PLA2G4A: variants seen among roughly 807,000 people sequenced by gnomAD.
The protein encoded by PLA2G4A is cytosolic phospholipase A2.
PLA2G4A carries 40 observed loss-of-function variants against 81.9 expected under a neutral mutation model. The ratio of observed to expected loss-of-function variants is 0.49; its 90% CI spans 0.38 to 0.64. The LOEUF is 0.64. Among genes scored for constraint, PLA2G4A ranks in the 30% least tolerant of loss-of-function variants. The pLI is 0.00. For missense variants in PLA2G4A, 715 were observed against 905.1 expected (o/e 0.79, Z 2.69); for synonymous variants, 302 against 296.9 (o/e 1.02, Z -0.18).
chr1:186,830,607 T>TG (rs1483313709), intron 1 of PLA2G4A, among the ~76,000 whole-genome samples: 2 of 27,006 alleles, frequency 7.4e-5, no homozygotes, highest in African/African-American at 6.0e-4. Flanking sequence ...AAGCTCTGTC[T>TG]CAAAAAAAAA....
chr1:186,942,370 TGG>T (rs1344721898), intron 10 of PLA2G4A, among the ~76,000 whole-genome samples: 42 of 152,178 alleles, frequency 2.8e-4, no homozygotes, highest in African/African-American at 9.6e-4. Flanking sequence ...AAGAATTACA[TGG>T]TCAAAAGAAC....
At chr1:186,988,162 T>A (rs1657950124) in intron 17 of PLA2G4A, among the ~76,000 whole-genome samples, 1 of 152,194 alleles carries the variant, frequency 6.6e-6, no homozygotes, top group African/African-American at 2.4e-5. Flanking sequence ...CTTCTTTCCC[T>A]GGTGAGGGAA....
In PLA2G4A at chr1:186,987,502, C is replaced by T. The variant is rs12720703; in HGVS notation, c.2119-875C>T. 1.6e-3 allele frequency among the ~76,000 whole-genome samples: 250 copies of T among 152,160 alleles called. 3 individuals carry two copies. The highest frequency in any genetic ancestry group is 5.6e-3 in the African/African-American group (234 of 41,440). On this transcript the variant is annotated intron_variant, in intron 17 of 17. Transcript: ENST00000367466. ...CAGAAACATCTATCTCATTGGTCAT[C>T]GAGATGAAATGAGGACTGTCCTGGG...
intron 2 of PLA2G4A, among the ~76,000 whole-genome samples, chr1:186,861,644 T>C (rs1652807244): frequency 6.6e-6 from 1 of 152,144 alleles, no homozygotes; most frequent in Non-Finnish European, 1.5e-5. Flanking sequence ...AGTTGGATAA[T>C]CATCCTATTT....
chr1:186,931,177 C>T (rs940107276), intron 7 of PLA2G4A, among the ~76,000 whole-genome samples: 1 of 152,074 alleles, frequency 6.6e-6, no homozygotes, highest in African/African-American at 2.4e-5. Flanking sequence ...ATTTTAAAAT[C>T]TTTGTTTGAG....
chr1:186,856,915 G>T (rs937512995), intron 2 of PLA2G4A, among the ~76,000 whole-genome samples: 2 of 149,458 alleles, frequency 1.3e-5, no homozygotes, highest in African/African-American at 4.9e-5. Flanking sequence ...AATAGTACAT[G>T]ATTCAAGGAA....
intron 15 of PLA2G4A, among the ~76,000 whole-genome samples, chr1:186,973,192 T>G (rs1291947615): frequency 6.6e-6 from 1 of 152,210 alleles, no homozygotes; most frequent in Non-Finnish European, 1.5e-5. Flanking sequence ...GAAGTTGAAA[T>G]TAAGGCATCA....
chr1:186,830,162 C>G (rs537765895), intron 1 of PLA2G4A, among the ~76,000 whole-genome samples: 1 of 151,998 alleles, frequency 6.6e-6, no homozygotes, highest in South Asian at 2.1e-4. Flanking sequence ...TCATTAGCTC[C>G]GGAAGAGTTA....
chr1:186,908,883 A>G (rs1243868782), intron 6 of PLA2G4A, among the ~76,000 whole-genome samples: 1 of 151,576 alleles, frequency 6.6e-6, no homozygotes, highest in Admixed American at 6.6e-5. Flanking sequence ...AGTAGTGATT[A>G]CCTTTAAGGA....
intron 8 of PLA2G4A, among the ~76,000 whole-genome samples, chr1:186,936,636 C>T (rs189960444): frequency 1.8e-4 from 28 of 151,924 alleles, no homozygotes; most frequent in African/African-American, 5.8e-4. Context: ...ATGTTTACCC[C>T]GAAGGTTTGG....
intron 2 of PLA2G4A, among the ~76,000 whole-genome samples, chr1:186,858,863 A>T (rs1263147041): frequency 6.6e-6 from 1 of 151,770 alleles, no homozygotes; most frequent in Non-Finnish European, 1.5e-5. Flanking sequence ...AGTTTTCTTT[A>T]TTCTTCTTAT....
chr1:186,868,507 G>A (rs1176834391), intron 2 of PLA2G4A, among the ~76,000 whole-genome samples: 1 of 152,156 alleles, frequency 6.6e-6, no homozygotes, highest in Admixed American at 6.5e-5. Flanking sequence ...GTCTGGTTTT[G>A]GAATTAGGGT....
intron 1 of PLA2G4A, among the ~76,000 whole-genome samples, chr1:186,842,774 C>T (rs895876489): frequency 1.3e-5 from 2 of 152,188 alleles, no homozygotes; most frequent in African/African-American, 4.8e-5. Flanking sequence ...CTTGGACTTC[C>T]AACCTCCAGA....
intron 2 of PLA2G4A, among the ~76,000 whole-genome samples, chr1:186,865,793 A>G (rs192637663): frequency 2.6e-5 from 4 of 152,304 alleles, no homozygotes; most frequent in Admixed American, 1.3e-4. Context: ...CTTTTTTTCA[A>G]TGCCAATCAT....
chr1:186,931,257 C>T (rs1655734462), intron 7 of PLA2G4A, among the ~76,000 whole-genome samples: 1 of 152,130 alleles, frequency 6.6e-6, no homozygotes, highest in African/African-American at 2.4e-5. Context: ...CATACACACA[C>T]ATGTACACAT....
intron 2 of PLA2G4A, among the ~76,000 whole-genome samples, chr1:186,865,378 G>A (rs2102049563): frequency 6.6e-6 from 1 of 152,062 alleles, no homozygotes; most frequent in South Asian, 2.1e-4. Flanking sequence ...AAAAAGTGTA[G>A]GTGAATAATA....
intron 17 of PLA2G4A, among the ~76,000 whole-genome samples, chr1:186,983,039 G>T (rs538155986): frequency 2.7e-5 from 4 of 147,924 alleles, no homozygotes; most frequent in Non-Finnish European, 5.9e-5. Flanking sequence ...AGCCAAGATC[G>T]CACCATTGCA....
At chr1:186,919,009 G>A (rs996467733) in intron 7 of PLA2G4A, among the ~76,000 whole-genome samples, 1 of 152,208 alleles carries the variant, frequency 6.6e-6, no homozygotes, top group African/African-American at 2.4e-5. Flanking sequence ...ACTGGCCTTG[G>A]CCAGGGCCCC....
chr1:186,918,627 T>C (rs1655232305), intron 7 of PLA2G4A, among the ~76,000 whole-genome samples: 1 of 152,234 alleles, frequency 6.6e-6, no homozygotes, highest in Non-Finnish European at 1.5e-5. Flanking sequence ...AGTCTACTGA[T>C]GATGCCCATG....
Sources: gnomAD v4.1 joint callset for allele counts (sites outside exome capture counted in the v4.1 genomes callset) on GRCh38, gnomAD v4.1.1 for gene constraint, MANE v1.5 for transcripts, NCBI Gene and HGNC (gene_info 2026-07-23, HGNC 2026-07-21) for gene names.